Variants in HIVEP3 observed in about 807,000 individuals in gnomAD.
HIVEP3 encodes the protein transcription factor HIVEP3.
HIVEP3 carries 49 observed loss-of-function variants against 152.8 expected under a neutral mutation model. The ratio of observed to expected loss-of-function variants is 0.32; its 90% CI spans 0.26 to 0.41. HIVEP3 has a LOEUF of 0.41. Ranked by LOEUF, HIVEP3 falls within the 10% of genes least tolerant of loss-of-function variation. The pLI is 1.00. For missense variants in HIVEP3, 2,790 were observed against 3,103.3 expected (o/e 0.90, Z 2.40); for synonymous variants, 1,269 against 1,289.0 (o/e 0.98, Z 0.33).
chr1:41,992,658 C>T (rs1240145809), intron 1 of HIVEP3, among the ~76,000 whole-genome samples: 1 of 124,436 alleles, frequency 8.0e-6, no homozygotes, highest in Non-Finnish European at 1.7e-5. Context: ...CTTTAAAGTT[C>T]ATATGGAACC....
chr1:41,789,574 C>A (rs564640127), intron 1 of HIVEP3, among the ~76,000 whole-genome samples: 1 of 152,262 alleles, frequency 6.6e-6, no homozygotes, highest in African/African-American at 2.4e-5. Context: ...ATTTGGCAGA[C>A]CTTATTGTTT....
intron 1 of HIVEP3, among the ~76,000 whole-genome samples, chr1:41,716,716 G>C (rs918026778): frequency 6.6e-6 from 1 of 152,190 alleles, no homozygotes; most frequent in Non-Finnish European, 1.5e-5. Context: ...AGGCAGGTCT[G>C]GGTCACGGAG....
At chr1:41,889,642 G>A (rs1480050494) in intron 1 of HIVEP3, among the ~76,000 whole-genome samples, 1 of 152,198 alleles carries the variant, frequency 6.6e-6, no homozygotes, top group African/African-American at 2.4e-5. Flanking sequence ...GCCCGGCAGG[G>A]TGGGCCTTCA....
Position 41,534,515 on chromosome 1 carries a change from G to A in HIVEP3, c.5208-9605C>T, listed in dbSNP as rs148595943. 5.0e-3 allele frequency among the ~76,000 whole-genome samples: 768 copies of A among 152,272 alleles called. 2 individuals are homozygous for A. Among genetic ancestry groups the A allele is most frequent in the African/African-American group, 0.018 (735 of 41,546 alleles). The stretch of plus-strand genomic sequence containing the variant: ...TGTCCCACACCCCTCCTCTGGACCT[G>A]GGGATCTCACCCACTTCTGCTCCAG... On this transcript the variant is annotated intron_variant, in intron 5 of 8. Transcript: ENST00000372583.
chr1:41,650,782 A>G (rs933404953), intron 2 of HIVEP3, among the ~76,000 whole-genome samples: 1 of 152,180 alleles, frequency 6.6e-6, no homozygotes, highest in Non-Finnish European at 1.5e-5. Context: ...TAAACATATT[A>G]CACAGAAACC....
At chr1:41,901,909 G>C (rs748551042) in intron 1 of HIVEP3, among the ~76,000 whole-genome samples, 2 of 152,172 alleles carry the variant, frequency 1.3e-5, no homozygotes, top group Non-Finnish European at 2.9e-5. Flanking sequence ...CTGTTAGGGC[G>C]AGCTCCTTGT....
At chr1:41,872,031 T>G (rs1404499073) in intron 1 of HIVEP3, among the ~76,000 whole-genome samples, 1 of 152,236 alleles carries the variant, frequency 6.6e-6, no homozygotes, top group Non-Finnish European at 1.5e-5. Context: ...GACAAATGTA[T>G]ATACCCAAGT....
chr1:41,690,185 C>G (rs535438986), intron 2 of HIVEP3, among the ~76,000 whole-genome samples: 1 of 152,216 alleles, frequency 6.6e-6, no homozygotes, highest in East Asian at 1.9e-4. Context: ...AAGACAATAA[C>G]CATAAAGTTC....
chr1:41,920,396 G>A (rs948796807), upstream of HIVEP3, among the ~76,000 whole-genome samples: 1 of 152,100 alleles, frequency 6.6e-6, no homozygotes, highest in Non-Finnish European at 1.5e-5. Flanking sequence ...GCCCCCCGGG[G>A]AATAGGGGCT....
At chr1:41,801,302 A>G (rs1465294949) in intron 1 of HIVEP3, among the ~76,000 whole-genome samples, 1 of 152,100 alleles carries the variant, frequency 6.6e-6, no homozygotes, top group Non-Finnish European at 1.5e-5. Flanking sequence ...CCTCCCTTCA[A>G]TCTGGTCTCC....
At chr1:41,806,420 G>A (rs561478654) in intron 1 of HIVEP3, among the ~76,000 whole-genome samples, 23 of 152,342 alleles carry the variant, frequency 1.5e-4, no homozygotes, top group Non-Finnish European at 2.4e-4. Context: ...TTGACAGATT[G>A]AAGGCCCAGC....
At chr1:42,026,063 T>C (rs1449757909) in intron 1 of HIVEP3, among the ~76,000 whole-genome samples, 2 of 151,606 alleles carry the variant, frequency 1.3e-5, no homozygotes, top group Non-Finnish European at 2.9e-5. Flanking sequence ...AGCAAGACCC[T>C]GTCTCAAAAG....
At position 41,582,044 on chromosome 1, in the gene HIVEP3, C is replaced by T; in HGVS notation, c.2754G>A (p.Gly918=). 1.9e-6 allele frequency: 3 copies of T among 1,614,136 alleles called. No individual in the cohort carries two copies. The highest frequency in any genetic ancestry group is 2.5e-6 in the Non-Finnish European group (3 of 1,180,012). ...LRLAEMAQSS[G]ESSFESSVPL... ...GCACAGAGGACTCGAAGCTGGACTC[C>T]CCTGATGATTGGGCCATCTCTGCCA... Residue 918 remains glycine, a synonymous_variant, in exon 4 of 9, where the codon GGG becomes GGA. Coordinates refer to ENST00000372583, the MANE Select transcript of HIVEP3 (RefSeq NM_024503.5). This position sits in a 1 kb window ranked among gnomAD's most constrained non-coding sequence, Gnocchi z 4.7.
chr1:41,822,065 C>G (rs941950052), intron 1 of HIVEP3, among the ~76,000 whole-genome samples: 1 of 152,150 alleles, frequency 6.6e-6, no homozygotes, highest in African/African-American at 2.4e-5. Context: ...TAATGTAGGG[C>G]TCAGTGAGGG....
intron 1 of HIVEP3, among the ~76,000 whole-genome samples, chr1:41,995,018 T>C (rs545895540): frequency 6.6e-6 from 1 of 151,962 alleles, no homozygotes; most frequent in Admixed American, 6.6e-5. Context: ...AAAGAAAGTC[T>C]AAGATACAGA....
intron 5 of HIVEP3, chr1:41,543,064 AG>A (rs1317058273): frequency 2.6e-5 from 4 of 152,232 alleles, no homozygotes; most frequent in African/African-American, 9.7e-5. Flanking sequence ...GTGAGATGGT[AG>A]GCTGGACCAT....
intron 1 of HIVEP3, among the ~76,000 whole-genome samples, chr1:41,855,411 G>C (rs1221581004): frequency 1.3e-5 from 2 of 152,082 alleles, no homozygotes; most frequent in Admixed American, 6.5e-5. Context: ...AGAGTGAACA[G>C]GCAACCTACA....
At chr1:41,782,473 C>T (rs887349488) in intron 1 of HIVEP3, among the ~76,000 whole-genome samples, 5 of 152,160 alleles carry the variant, frequency 3.3e-5, no homozygotes, top group African/African-American at 1.2e-4. Flanking sequence ...GTGGCTTACA[C>T]CTGTAATCCC....
intron 1 of HIVEP3, among the ~76,000 whole-genome samples, chr1:41,861,208 A>G (rs1390963670): frequency 1.3e-5 from 2 of 152,222 alleles, no homozygotes; most frequent in Non-Finnish European, 2.9e-5. Context: ...AGCTGAATAC[A>G]CAAAGTCACT....
Sources: gnomAD v4.1 joint callset for allele counts (sites outside exome capture counted in the v4.1 genomes callset) on GRCh38, gnomAD v4.1.1 for gene constraint, Gnocchi (gnomAD v3.1) non-coding constraint, MANE v1.5 for transcripts, NCBI Gene and HGNC (gene_info 2026-07-23, HGNC 2026-07-21) for gene names.